The following GBE1 variants were observed in gnomAD, a reference collection of about 807,000 sequenced individuals.
GBE1 encodes the protein 1,4-alpha-glucan-branching enzyme.
In GBE1, 70 loss-of-function variants were observed where a neutral mutation model predicts 88.8. The observed-to-expected ratio is 0.79, with a 90% confidence interval of 0.65 to 0.96. The LOEUF (loss-of-function observed/expected upper bound fraction) is 0.96, where lower values mean the gene tolerates loss of function less well. GBE1 is among the 40% of genes least tolerant of loss of function. The pLI, the probability that GBE1 is intolerant of heterozygous loss-of-function variation, is 0.00. For synonymous variants in GBE1, 284 were observed against 300.1 expected (o/e 0.95, Z 0.56); for missense variants, 872 against 871.0 (o/e 1.00, Z -0.01).
chr3:81,725,408 G>A (rs562881701), intron 1 of GBE1, among the ~76,000 whole-genome samples: 6 of 152,072 alleles, frequency 3.9e-5, no homozygotes, highest in African/African-American at 1.4e-4. Flanking sequence ...TGTCCCACTG[G>A]AAGGTCTTCA....
At chr3:81,750,607 ATATATATATGTATATATATATACG>A (rs1559708660) in intron 1 of GBE1, among the ~76,000 whole-genome samples, 19 of 80,122 alleles carry the variant, frequency 2.4e-4, no homozygotes, top group African/African-American at 1.1e-3. Flanking sequence ...ATATGTGTAT[ATATATATATGTATATATATATACG>A]TATATATATA....
intron 1 of GBE1, among the ~76,000 whole-genome samples, chr3:81,737,458 A>G (rs1182833612): frequency 7.5e-6 from 1 of 133,328 alleles, no homozygotes; most frequent in Non-Finnish European, 1.6e-5. Context: ...ATATATATAT[A>G]AAAATTTCAT....
At chr3:81,608,791 A>T (rs1704134989) in intron 7 of GBE1, among the ~76,000 whole-genome samples, 1 of 152,064 alleles carries the variant, frequency 6.6e-6, no homozygotes, top group Admixed American at 6.6e-5. Flanking sequence ...TTCTCACTAC[A>T]CTTTTGGTAG....
chr3:81,740,602 A>G (rs182293326), intron 1 of GBE1, among the ~76,000 whole-genome samples: 4 of 152,276 alleles, frequency 2.6e-5, no homozygotes, highest in Admixed American at 1.3e-4. Context: ...AAGGCCCAGA[A>G]TTGAAAATGA....
At chr3:81,607,272 C>T (rs942490483) in intron 7 of GBE1, among the ~76,000 whole-genome samples, 2 of 152,060 alleles carry the variant, frequency 1.3e-5, no homozygotes, top group Non-Finnish European at 2.9e-5. Context: ...TATGGCAGGC[C>T]AGGAGTGGTG....
chr3:81,500,064 A>G (rs1427626680), intron 14 of GBE1, among the ~76,000 whole-genome samples: 1 of 152,178 alleles, frequency 6.6e-6, no homozygotes, highest in Non-Finnish European at 1.5e-5. Flanking sequence ...ACATTATCAC[A>G]TTAATAGAAA....
chr3:81,569,581 G>C (rs1023978799), intron 12 of GBE1, among the ~76,000 whole-genome samples: 1 of 152,122 alleles, frequency 6.6e-6, no homozygotes, highest in East Asian at 1.9e-4. Flanking sequence ...ACCTCAGCAG[G>C]CTTCCAAAGA....
At chr3:81,667,288 T>C (rs532082409) in intron 3 of GBE1, among the ~76,000 whole-genome samples, 8 of 152,192 alleles carry the variant, frequency 5.3e-5, no homozygotes, top group Admixed American at 1.3e-4. Flanking sequence ...TTTTCGCACA[T>C]TGATTTTGTA....
chr3:81,722,915 T>TATAC (rs1347664692), intron 1 of GBE1, among the ~76,000 whole-genome samples: 41 of 145,478 alleles, frequency 2.8e-4, no homozygotes, highest in East Asian at 1.4e-3. Flanking sequence ...TATATATATA[T>TATAC]ACACACAAGT....
chr3:81,650,247 CAATT>C (rs1704826501), intron 3 of GBE1: 2 of 179,986 alleles, frequency 1.1e-5, no homozygotes, highest in South Asian at 2.4e-4. Flanking sequence ...AAGCTTCTGT[CAATT>C]AATCAATCAA....
chr3:81,492,218 T>C (rs1702446319), intron 15 of GBE1, among the ~76,000 whole-genome samples: 1 of 152,226 alleles, frequency 6.6e-6, no homozygotes, highest in South Asian at 2.1e-4. Context: ...ACTGTTTCCC[T>C]AGAGTTTACA....
At chr3:81,641,192 T>C (rs1039009235) in intron 7 of GBE1, among the ~76,000 whole-genome samples, 1 of 152,136 alleles carries the variant, frequency 6.6e-6, no homozygotes, top group African/African-American at 2.4e-5. Context: ...AATCTAACTA[T>C]TTAATAAATA....
intron 7 of GBE1, among the ~76,000 whole-genome samples, chr3:81,599,435 T>G (rs1704002862): frequency 6.6e-6 from 1 of 152,096 alleles, no homozygotes. Flanking sequence ...TAACCCACTC[T>G]AATAGAGCAC....
Position 81,761,538 on chromosome 3 carries a change from G to A in GBE1, c.-21C>T. On this transcript the variant is annotated 5_prime_UTR_variant, in exon 1 of 16. Coordinates refer to ENST00000429644, the MANE Select transcript of GBE1 (RefSeq NM_000158.4). ...GCCATATTCCGCCGCAGTCCAAGTA[G>A]CCGAGGCCCGAGAGGTCGAGTGGGG... 1 of 1,465,560 alleles carries A rather than the reference G, an allele frequency of 6.8e-7. No individual in the cohort carries two copies. The highest frequency in any genetic ancestry group is 1.2e-5 in the South Asian group (1 of 85,610). 90.8% of individuals were successfully genotyped at this position (1,465,560 alleles called of 1,614,324 possible). A position where few individuals can be genotyped will look rare whatever the true frequency, so the allele number is the denominator to read the frequency against.
At chr3:81,609,617 T>C (rs1704146061) in intron 7 of GBE1, among the ~76,000 whole-genome samples, 1 of 152,176 alleles carries the variant, frequency 6.6e-6, no homozygotes, top group South Asian at 2.1e-4. Context: ...TTTTGCTTGT[T>C]ATTGATATAT....
At chr3:81,623,645 CATT>C (rs576272985) in intron 7 of GBE1, among the ~76,000 whole-genome samples, 13 of 152,146 alleles carry the variant, frequency 8.5e-5, no homozygotes, top group African/African-American at 2.9e-4. Context: ...GTGTGCCAGA[CATT>C]ATTATTATTA....
rs566755194 is a variant in GBE1, at chr3:81,607,789, A to G, written c.993-13766T>C. Reference sequence around the variant, plus strand: ...CCATTATGCAATTGGTAACAATTTAATTCTTTTTTCTTAACTCTTTTCTAA... The same window carrying G: ...CCATTATGCAATTGGTAACAATTTAGTTCTTTTTTCTTAACTCTTTTCTAA... On this transcript the variant is annotated intron_variant, in intron 7 of 15. Coordinates refer to ENST00000429644, the MANE Select transcript of GBE1 (RefSeq NM_000158.4). Among the ~76,000 whole-genome samples, 358 of 152,262 alleles carry G rather than the reference A, an allele frequency of 2.4e-3. 3 individuals carry two copies. Among genetic ancestry groups the G allele is most frequent in the African/African-American group, 8.2e-3 (342 of 41,570 alleles).
chr3:81,630,178 GA>G (rs1219880910), intron 7 of GBE1, among the ~76,000 whole-genome samples: 1 of 152,090 alleles, frequency 6.6e-6, no homozygotes, highest in Non-Finnish European at 1.5e-5. Context: ...ATGCTTCAAA[GA>G]GAATAAAATA....
In GBE1 at chr3:81,761,444, A is replaced by C. The variant is rs374678652; in HGVS notation, c.74T>G (p.Val25Gly). ...EAALNAALAD[V>G]PELARLLEID... ...CTCCAGGAGTCTGGCCAGTTCGGGC[A>C]CGTCAGCCAGGGCGGCATTGAGCGC... The change falls in exon 1 of 16, where the codon GTG (valine) becomes GGG (glycine). Residue 25 changes from valine to glycine, a missense_variant. Val to Gly is a moderately radical substitution (Grantham distance 109, BLOSUM62 -3). Coordinates refer to ENST00000429644, the MANE Select transcript of GBE1 (RefSeq NM_000158.4). 45 of 1,613,658 alleles carry C rather than the reference A, an allele frequency of 2.8e-5. No homozygotes were observed. The African/African-American group carries it at 5.6e-4, about 20-fold the overall frequency.
Sources: allele counts gnomAD v4.1 joint callset (sites outside exome capture counted in the v4.1 genomes callset), GRCh38; gene constraint gnomAD v4.1.1; transcripts MANE v1.5; gene names NCBI Gene and HGNC (gene_info 2026-07-23, HGNC 2026-07-21).